Variants in MS4A4A observed in about 807,000 individuals in gnomAD.
MS4A4A encodes membrane spanning 4-domains A4A, also known as membrane-spanning 4-domains subfamily A member 4A.
MS4A4A carries 26 observed loss-of-function variants against 28.0 expected under a neutral mutation model. The ratio of observed to expected loss-of-function variants is 0.93; its 90% CI spans 0.68 to 1.29. MS4A4A has a LOEUF of 1.29. MS4A4A is among the 50% of genes most tolerant of loss of function. The probability of loss-of-function intolerance (pLI) is 0.00; values close to 1 mark genes in which losing one functional copy is unlikely to be tolerated. For synonymous variants in MS4A4A, 86 were observed against 100.8 expected (o/e 0.85, Z 0.88); for missense variants, 290 against 293.1 (o/e 0.99, Z 0.08).
intron 1 of MS4A4A, among the ~76,000 whole-genome samples, chr11:60,283,827 T>C (rs1331419764): frequency 3.9e-5 from 6 of 152,240 alleles, no homozygotes; most frequent in East Asian, 1.9e-4. Context: ...GTCTAGGAAG[T>C]GCTAAAGTGT....
rs576391797 is a variant in MS4A4A, at chr11:60,304,228, A to G, written c.546+1511A>G. 2.6e-5 allele frequency among the ~76,000 whole-genome samples: 4 copies of G among 152,306 alleles called. No homozygotes were observed. In the South Asian group the frequency reaches 8.3e-4, roughly 32 times the overall value. ...AAGTTCTCTTCATTGGTAGATTTTA[A>G]GGGCACAATGATAGAGACAAAATCT... On this transcript the variant is annotated intron_variant, in intron 5 of 6. Coordinates refer to ENST00000337908, the MANE Select transcript of MS4A4A (RefSeq NM_148975.3).
At chr11:60,286,885 T>C (rs1207451900) in intron 1 of MS4A4A, among the ~76,000 whole-genome samples, 2 of 152,246 alleles carry the variant, frequency 1.3e-5, no homozygotes, top group African/African-American at 4.8e-5. Flanking sequence ...TTAGCATTAA[T>C]GGATAAGGAT....
At chr11:60,295,407 T>A (rs2084897175) in intron 2 of MS4A4A, among the ~76,000 whole-genome samples, 1 of 152,122 alleles carries the variant, frequency 6.6e-6, no homozygotes, top group African/African-American at 2.4e-5. Flanking sequence ...TCTTTCAGAT[T>A]TTCTACACAG....
chr11:60,286,176 T>C (rs551367935), intron 1 of MS4A4A, among the ~76,000 whole-genome samples: 1 of 152,324 alleles, frequency 6.6e-6, no homozygotes, highest in Admixed American at 6.5e-5. Context: ...CTTATGGTTA[T>C]CTCCCTTGTT....
rs1381132717 is a variant in MS4A4A, at chr11:60,292,259, A to G, written c.76A>G (p.Met26Val). 16 of 1,585,380 alleles carry G rather than the reference A, an allele frequency of 1.0e-5. No individual in the cohort carries two copies. The highest frequency in any genetic ancestry group is 1.4e-5 in the Non-Finnish European group (16 of 1,169,382). The change falls in exon 2 of 7, where the codon ATG (methionine) becomes GTG (valine). Residue 26 changes from methionine to valine, a missense_variant. Met to Val is a conservative substitution (Grantham distance 21, BLOSUM62 1). Transcript: ENST00000337908. ...FSAAMTTMQG[M>V]EQAMPGAGPG... is the part of the protein sequence containing the mutation. ...TGCTGCCATGACAACCATGCAAGGA[A>G]TGGAACAGGCCATGCCAGGGGCTGG...
intron 1 of MS4A4A, among the ~76,000 whole-genome samples, chr11:60,285,905 A>T (rs1042701701): frequency 2.0e-5 from 3 of 152,194 alleles, no homozygotes; most frequent in Non-Finnish European, 2.9e-5. Flanking sequence ...AACCAGTCTG[A>T]CTACAATTCA....
At chr11:60,299,678 G>GTCTCGA (rs1409717945) in intron 3 of MS4A4A, among the ~76,000 whole-genome samples, 4 of 151,530 alleles carry the variant, frequency 2.6e-5, no homozygotes, top group Non-Finnish European at 5.9e-5. Context: ...TTTCACTGTG[G>GTCTCGA]TCTCGATCTC....
chr11:60,291,691 G>A (rs1465292779), intron 1 of MS4A4A, among the ~76,000 whole-genome samples: 2 of 151,594 alleles, frequency 1.3e-5, no homozygotes, highest in Non-Finnish European at 2.9e-5. Context: ...ACAGCTACTC[G>A]GGAGACTGAG....
chr11:60,307,455 G>T (rs868143107), intron 6 of MS4A4A, among the ~76,000 whole-genome samples: 12 of 152,162 alleles, frequency 7.9e-5, no homozygotes, highest in Non-Finnish European at 1.5e-4. Context: ...TGAGTGAAAC[G>T]TTTGGACATG....
chr11:60,283,125 CTG>C (rs1175411110), intron 1 of MS4A4A, among the ~76,000 whole-genome samples: 1 of 152,106 alleles, frequency 6.6e-6, no homozygotes, highest in Admixed American at 6.5e-5. Flanking sequence ...CAGGGTCTCA[CTG>C]TGTTGCCCAG....
intron 2 of MS4A4A, among the ~76,000 whole-genome samples, chr11:60,294,244 T>C (rs2084883214): frequency 6.6e-6 from 1 of 152,190 alleles, no homozygotes; most frequent in Admixed American, 6.5e-5. Flanking sequence ...TTCTTTACCA[T>C]CTCTATATCT....
rs973695853 is a variant in MS4A4A, at chr11:60,301,058, G to A, written c.387+1G>A. On this transcript the variant is annotated splice_donor_variant, in intron 4 of 6. Transcript: ENST00000337908. LOFTEE classifies it high-confidence loss of function. ...AGGAATTAGAACTACAAAAGGCCTG[G>A]TGAGTAATATTTTCTTTTTTTGGTA... 2 of 1,589,068 alleles carry A rather than the reference G, an allele frequency of 1.3e-6. No individual in the cohort carries two copies. The highest frequency in any genetic ancestry group is 1.2e-5 in the South Asian group (1 of 86,780).
chr11:60,297,380 C>T (rs2084915519), intron 3 of MS4A4A, 55 bp downstream of exon 3: 2 of 1,584,006 alleles, frequency 1.3e-6, no homozygotes, highest in East Asian at 2.3e-5. Flanking sequence ...GTTGTCAATA[C>T]CCTGATCTTT....
chr11:60,287,685 A>C (rs1192960224), intron 1 of MS4A4A, among the ~76,000 whole-genome samples: 1 of 152,210 alleles, frequency 6.6e-6, no homozygotes, highest in African/African-American at 2.4e-5. Context: ...CATCAGAAGC[A>C]GATATGGATG....
chr11:60,301,432 A>G (rs2084952148), intron 4 of MS4A4A, among the ~76,000 whole-genome samples: 2 of 152,200 alleles, frequency 1.3e-5, no homozygotes, highest in Admixed American at 1.3e-4. Flanking sequence ...GTAGACTCCA[A>G]CTGTGTCCAG....
intron 6 of MS4A4A, among the ~76,000 whole-genome samples, chr11:60,306,570 C>T (rs1466331418): frequency 1.3e-5 from 2 of 152,140 alleles, no homozygotes; most frequent in East Asian, 1.9e-4. Context: ...CAGAATAATG[C>T]CTTTCTTGAT....
In MS4A4A at chr11:60,301,077, T is replaced by C. The variant is rs1328502294; in HGVS notation, c.387+20T>C. On this transcript the variant is annotated intron_variant, in intron 4 of 6. Coordinates refer to ENST00000337908, the MANE Select transcript of MS4A4A (RefSeq NM_148975.3). ...GGCCTGGTGAGTAATATTTTCTTTT[T>C]TTGGTATCAAAAAAAGGAAGGATTA... The C allele has an allele frequency of 3.2e-6, 5 of 1,553,060 alleles. No homozygotes were observed. The highest frequency in any genetic ancestry group is 4.4e-6 in the Non-Finnish European group (5 of 1,145,964).
At chr11:60,300,397 A>T (rs186477027) in intron 3 of MS4A4A, among the ~76,000 whole-genome samples, 8 of 152,168 alleles carry the variant, frequency 5.3e-5, no homozygotes, top group African/African-American at 1.9e-4. Context: ...CGGGCGGATC[A>T]CGAGGTCAGG....
At chr11:60,297,474 A>G in intron 3 of MS4A4A, 149 bp downstream of exon 3, 1 of 795,052 alleles carries the variant, frequency 1.3e-6, no homozygotes. Flanking sequence ...TCTCATATTT[A>G]AAGTACTACA....
Sources: allele counts gnomAD v4.1 joint callset (sites outside exome capture counted in the v4.1 genomes callset), GRCh38; gene constraint gnomAD v4.1.1; transcripts MANE v1.5; gene names NCBI Gene and HGNC (gene_info 2026-07-23, HGNC 2026-07-21).